The following TNR variants were observed in gnomAD, a reference collection of about 807,000 sequenced individuals.
TNR encodes the protein tenascin-R.
Under a neutral mutation model 150.4 loss-of-function variants are expected in TNR, and 45 were observed. The ratio of observed to expected loss-of-function variants is 0.30; its 90% CI spans 0.24 to 0.38. The LOEUF (loss-of-function observed/expected upper bound fraction) is 0.38, where lower values mean the gene tolerates loss of function less well. TNR is among the 10% of genes least tolerant of loss of function. TNR has a pLI of 1.00. For synonymous variants in TNR, 687 were observed against 678.4 expected (o/e 1.01, Z -0.20); for missense variants, 1,544 against 1,759.1 (o/e 0.88, Z 2.19).
intron 1 of TNR, among the ~76,000 whole-genome samples, chr1:175,545,921 A>G (rs1660667158): frequency 2.0e-5 from 3 of 152,146 alleles, no homozygotes; most frequent in African/African-American, 7.2e-5. Context: ...TGCATTACAG[A>G]TGAGGGATGT....
intron 1 of TNR, among the ~76,000 whole-genome samples, chr1:175,542,644 ACAAG>A (rs1444766233): frequency 1.3e-5 from 2 of 152,242 alleles, no homozygotes; most frequent in Non-Finnish European, 1.5e-5. Context: ...GCAAACATTG[ACAAG>A]CAATTTTTTC....
intron 2 of TNR, among the ~76,000 whole-genome samples, chr1:175,442,273 C>T (rs1557936937): frequency 6.6e-6 from 1 of 152,210 alleles, no homozygotes; most frequent in East Asian, 1.9e-4. Flanking sequence ...GGAAGCAGGG[C>T]ATGTAAACCA....
chr1:175,442,315 T>A (rs924272964), intron 2 of TNR, among the ~76,000 whole-genome samples: 1 of 152,098 alleles, frequency 6.6e-6, no homozygotes, highest in Non-Finnish European at 1.5e-5. Flanking sequence ...CGACCCCCCA[T>A]CAGTTTGGCT....
At chr1:175,374,295 G>A (rs898330182) in intron 9 of TNR, among the ~76,000 whole-genome samples, 20 of 152,278 alleles carry the variant, frequency 1.3e-4, no homozygotes, top group African/African-American at 4.6e-4. Context: ...CCCCATTTGG[G>A]CCAGAAACCT....
intron 2 of TNR, among the ~76,000 whole-genome samples, chr1:175,426,812 A>T (rs1345594787): frequency 3.1e-5 from 4 of 129,214 alleles, no homozygotes; most frequent in Non-Finnish European, 6.3e-5. Context: ...AATATATATA[A>T]AATATAAATA....
chr1:175,734,195 C>T (rs1477917352), intron 1 of TNR, among the ~76,000 whole-genome samples: 2 of 152,182 alleles, frequency 1.3e-5, no homozygotes, highest in African/African-American at 2.4e-5. Context: ...CAACCTTGTG[C>T]CCCTGATCTC....
chr1:175,331,072 T>TC (rs1557867985), intron 20 of TNR, among the ~76,000 whole-genome samples: 32 of 129,074 alleles, frequency 2.5e-4, no homozygotes, highest in African/African-American at 8.4e-4. Flanking sequence ...TTTCTTTCTT[T>TC]CTTTCCTTCT....
intron 5 of TNR, among the ~76,000 whole-genome samples, chr1:175,394,193 C>G (rs1653313024): frequency 6.6e-6 from 1 of 152,160 alleles, no homozygotes; most frequent in South Asian, 2.1e-4. Flanking sequence ...CATCATTTTT[C>G]TTTTCTTACT....
chr1:175,491,691 C>T (rs962627669), intron 2 of TNR, among the ~76,000 whole-genome samples: 13 of 130,736 alleles, frequency 9.9e-5, no homozygotes, highest in African/African-American at 3.1e-4. Flanking sequence ...GCTCTGTTGC[C>T]CAGGCTGGAG....
chr1:175,647,227 G>A (rs73033369), intron 1 of TNR, among the ~76,000 whole-genome samples: 2,127 of 152,290 alleles, frequency 0.014, 51 homozygotes, highest in African/African-American at 0.049. Context: ...AAGGAGCATC[G>A]TGTTTTCTTG....
chr1:175,737,020 C>A (rs1160912467), intron 1 of TNR, among the ~76,000 whole-genome samples: 1 of 152,004 alleles, frequency 6.6e-6, no homozygotes, highest in African/African-American at 2.4e-5. Context: ...GATCCCATCT[C>A]AAAAACAAAG....
At chr1:175,429,687 T>G (rs998218916) in intron 2 of TNR, among the ~76,000 whole-genome samples, 6 of 152,218 alleles carry the variant, frequency 3.9e-5, no homozygotes, top group Non-Finnish European at 8.8e-5. Context: ...TTCCCAAGGA[T>G]GTAGAGCACA....
chr1:175,431,089 G>A (rs956695122), intron 2 of TNR, among the ~76,000 whole-genome samples: 3 of 152,018 alleles, frequency 2.0e-5, no homozygotes, highest in Non-Finnish European at 4.4e-5. Context: ...CTCCACACAG[G>A]GCCCAGGGAG....
chr1:175,510,724 C>A (rs1477246995), intron 2 of TNR, among the ~76,000 whole-genome samples: 1 of 152,194 alleles, frequency 6.6e-6, no homozygotes, highest in Non-Finnish European at 1.5e-5. Flanking sequence ...TATTTCAAAG[C>A]AAGTTTATTC....
intron 1 of TNR, chr1:175,556,488 C>G (rs1215774677): frequency 6.6e-6 from 1 of 152,172 alleles, no homozygotes; most frequent in Non-Finnish European, 1.5e-5. Flanking sequence ...GAAAACAAGA[C>G]CTTTTCTGGC....
At chr1:175,327,155 G>C (rs886761043) in intron 21 of TNR, among the ~76,000 whole-genome samples, 3 of 151,936 alleles carry the variant, frequency 2.0e-5, no homozygotes, top group African/African-American at 7.3e-5. Flanking sequence ...TCTAGAATTT[G>C]TCTTCATTAT....
At chr1:175,503,207 T>G (rs1191820838) in intron 2 of TNR, among the ~76,000 whole-genome samples, 1 of 152,174 alleles carries the variant, frequency 6.6e-6, no homozygotes, top group African/African-American at 2.4e-5. Flanking sequence ...AAGGCGCAGC[T>G]GAATGGGCCT....
Position 175,538,448 on chromosome 1 carries a change from C to T in TNR, c.-164-10079G>A, listed in dbSNP as rs549571665. Among the ~76,000 whole-genome samples, 4 of 152,292 alleles carry T rather than the reference C, an allele frequency of 2.6e-5. No homozygotes were observed. The East Asian group carries it at 7.7e-4, about 29-fold the overall frequency. ...GAGGAGTGTTGATTGTGGGTTAATACAAAGTAGGCCTTGGAAAATGAAAAT... is the reference window on the plus strand; with the variant it reads ...GAGGAGTGTTGATTGTGGGTTAATATAAAGTAGGCCTTGGAAAATGAAAAT... On this transcript the variant is annotated intron_variant, in intron 1 of 22. Coordinates refer to ENST00000367674, the MANE Select transcript of TNR (RefSeq NM_003285.3).
At chr1:175,573,781 G>A (rs1410811347) in intron 1 of TNR, among the ~76,000 whole-genome samples, 1 of 152,178 alleles carries the variant, frequency 6.6e-6, no homozygotes, top group African/African-American at 2.4e-5. Flanking sequence ...CCTGGCCGTA[G>A]GGTACAGATG....
Sources: gnomAD v4.1 joint callset for allele counts (sites outside exome capture counted in the v4.1 genomes callset) on GRCh38, gnomAD v4.1.1 for gene constraint, MANE v1.5 for transcripts, NCBI Gene and HGNC (gene_info 2026-07-23, HGNC 2026-07-21) for gene names.